The following TERT variants were observed in gnomAD, a reference collection of about 807,000 sequenced individuals.
TERT encodes telomerase reverse transcriptase, also known as telomerase catalytic subunit.
Under a neutral mutation model 104.0 loss-of-function variants are expected in TERT, and 42 were observed. The ratio of observed to expected loss-of-function variants is 0.40; its 90% CI spans 0.32 to 0.52. The LOEUF (loss-of-function observed/expected upper bound fraction) is 0.52, where lower values mean the gene tolerates loss of function less well. Among genes scored for constraint, TERT ranks in the 20% least tolerant of loss-of-function variants. The pLI, the probability that TERT is intolerant of heterozygous loss-of-function variation, is 0.43. For missense variants in TERT, 1,101 were observed against 1,610.3 expected (o/e 0.68, Z 5.41); for synonymous variants, 781 against 725.6 (o/e 1.08, Z -1.23).
At chr5:1,259,402 C>A (rs1748022474) in intron 12 of TERT, among the ~76,000 whole-genome samples, 1 of 121,520 alleles carries the variant, frequency 8.2e-6, no homozygotes, top group Non-Finnish European at 1.7e-5. Context: ...GATGCGGACG[C>A]CCACAGGAGG....
At position 1,270,993 on chromosome 5, in the gene TERT, A is replaced by G. The variant is rs1164052748; in HGVS notation, c.2468+126T>C. 5.2e-6 allele frequency: 4 copies of G among 763,450 alleles called. No individual in the cohort carries two copies. The highest frequency in any genetic ancestry group is 1.7e-5 in the African/African-American group (1 of 57,792). The allele number at this position is 763,450 out of a possible 1,614,324, so 47.3% of individuals were successfully genotyped here. A position where few individuals can be genotyped will look rare whatever the true frequency, so the allele number is the denominator to read the frequency against. On this transcript the variant is annotated intron_variant, in intron 8 of 15. Transcript: ENST00000310581. This position sits in a 1 kb window ranked among gnomAD's most constrained non-coding sequence, Gnocchi z 8.3. ...CCAGGAGCCGGAGGGGGCGGGGGCC[A>G]GAAAAGGAGACTCTGGTGGCCCCGG...
intron 6 of TERT, among the ~76,000 whole-genome samples, chr5:1,275,217 T>C (rs1248558682): frequency 6.6e-6 from 1 of 151,490 alleles, no homozygotes; most frequent in Non-Finnish European, 1.5e-5. Flanking sequence ...TCTACTAAAA[T>C]TACAAAAATT....
Position 1,268,975 on chromosome 5 carries a change from CT to C in TERT, c.2469-343del, listed in dbSNP as rs143199675. On this transcript the variant is annotated intron_variant, in intron 8 of 15. Coordinates refer to ENST00000310581, the MANE Select transcript of TERT (RefSeq NM_198253.3). This position sits in a 1 kb window ranked among gnomAD's most constrained non-coding sequence, Gnocchi z 5.5. ...CCGGAATGAATGCTTAACCGGACTCCTTTTTTTTTTTTCAAGGAATTTGTCC... is the reference window on the plus strand; with the variant it reads ...CCGGAATGAATGCTTAACCGGACTCCTTTTTTTTTTTCAAGGAATTTGTCC... Among the ~76,000 whole-genome samples the C allele has an allele frequency of 8.2e-4, 120 of 146,066 alleles. No homozygotes were observed. Among genetic ancestry groups the C allele is most frequent in the Middle Eastern group, 3.6e-3 (1 of 278 alleles).
chr5:1,287,487 G>A lies in TERT; in HGVS notation c.1574-4863C>T, dbSNP rs1750563190. On this transcript the variant is annotated intron_variant, in intron 2 of 15. Transcript: ENST00000310581. This position sits in a 1 kb window ranked among gnomAD's most constrained non-coding sequence, Gnocchi z 4.3. ...GCACTCACCCTGGGCGACAGACCAA[G>A]ACTCTGTCTCAAAAAAAAAAAATAT... Among the ~76,000 whole-genome samples the A allele has an allele frequency of 9.4e-6, 1 of 106,588 alleles. No homozygotes were observed. Among genetic ancestry groups the A allele is most frequent in the African/African-American group, 3.8e-5 (1 of 26,312 alleles). The allele number at this position is 106,588 out of a possible 152,430, so 69.9% of individuals were successfully genotyped here. A position where few individuals can be genotyped will look rare whatever the true frequency, so the allele number is the denominator to read the frequency against.
chr5:1,253,494 G>A lies in TERT; in HGVS notation c.*234C>T, dbSNP rs1747477105. ...GAGCCGAGCGCCAGCCTGTGGGGAA[G>A]TGAAGACGGCAGGTGTGCTGGACAC... On this transcript the variant is annotated 3_prime_UTR_variant, in exon 16 of 16. Coordinates refer to ENST00000310581, the MANE Select transcript of TERT (RefSeq NM_198253.3). The A allele has an allele frequency of 1.7e-6, 1 of 593,388 alleles. No individual in the cohort carries two copies. The highest frequency in any genetic ancestry group is 3.0e-5 in the Admixed American group (1 of 33,798). The allele number at this position is 593,388 out of a possible 1,614,324, so 36.8% of individuals were successfully genotyped here.
rs367931082 is a variant in TERT at position 1,255,945 on chromosome 5, G to A, written c.3033-534C>T. Among the ~76,000 whole-genome samples, 8 of 151,982 alleles carry A rather than the reference G, an allele frequency of 5.3e-5. No homozygotes were observed. The highest frequency in any genetic ancestry group is 1.9e-4 in the African/African-American group (8 of 41,362). ...CTCATCTCACTGACACCGAGACACCGACTTGGCTTCTGTGTGTAGGTTAAG... is the reference window on the plus strand; with the variant it reads ...CTCATCTCACTGACACCGAGACACCAACTTGGCTTCTGTGTGTAGGTTAAG... On this transcript the variant is annotated intron_variant, in intron 13 of 15. Transcript: ENST00000310581. This position sits in a 1 kb window ranked among gnomAD's most constrained non-coding sequence, Gnocchi z 6.9.
At chr5:1,280,017 C>A (rs141797669) in intron 4 of TERT, 141 bp downstream of exon 4, 24 of 1,137,244 alleles carry the variant, frequency 2.1e-5, no homozygotes, top group Non-Finnish European at 2.9e-5. Context: ...CCTCACTGTG[C>A]GCACAAATGG....
intron 6 of TERT, among the ~76,000 whole-genome samples, chr5:1,277,306 C>T (rs1026842974): frequency 3.3e-5 from 5 of 152,232 alleles, no homozygotes; most frequent in African/African-American, 1.2e-4. Context: ...GAGGCGAGGG[C>T]CTCTGACCCC....
Position 1,264,511 on chromosome 5 carries a change from C to T in TERT, c.2736G>A (p.Glu912=), listed in dbSNP as rs775289969. The stretch of plus-strand genomic sequence containing the variant: ...GAACAAAAGCCGTGCCACCCAGGGC[C>T]TCGTCTTCTACAGGGAAGTTCACCA... ...KTVVNFPVED[E]ALGGTAFVQM... Residue 912 remains glutamate (E), a synonymous_variant, in exon 11 of 16, where the codon GAG becomes GAA. Transcript: ENST00000310581. 4 of 1,613,996 alleles carry T rather than the reference C, an allele frequency of 2.5e-6. No homozygotes were observed. Among genetic ancestry groups the T allele is most frequent in the Non-Finnish European group, 3.4e-6 (4 of 1,180,030 alleles).
At chr5:1,289,983 G>A (rs375470205) in intron 2 of TERT, among the ~76,000 whole-genome samples, 64 of 21,252 alleles carry the variant, frequency 3.0e-3, no homozygotes, top group South Asian at 6.4e-3. Context: ...CACTCACCCT[G>A]CACGTGACAG....
chr5:1,280,493 G>T (rs530612448), intron 3 of TERT, among the ~76,000 whole-genome samples, 155 bp from the exon 4 acceptor site: 1 of 152,214 alleles, frequency 6.6e-6, no homozygotes, highest in Admixed American at 6.5e-5. Context: ...GTCCACCCAT[G>T]CCAGCCAGAC....
At position 1,260,721 on chromosome 5, in the gene TERT, C is replaced by T. The variant is rs1490875320; in HGVS notation, c.2844-121G>A. 25 of 1,400,368 alleles carry T rather than the reference C, an allele frequency of 1.8e-5. No individual in the cohort carries two copies. In the Admixed American group the frequency reaches 1.9e-4, roughly 11 times the overall value. The allele number at this position is 1,400,368 out of a possible 1,614,324, so 86.7% of individuals were successfully genotyped here. Reference sequence around the variant, plus strand: ...GCTTCCTTGTCCTGCCTGGGGCATGCGCTGCAGCCCGAGGGGGCTGGGTGC... The same window carrying T: ...GCTTCCTTGTCCTGCCTGGGGCATGTGCTGCAGCCCGAGGGGGCTGGGTGC... On this transcript the variant is annotated intron_variant, in intron 11 of 15. Coordinates refer to ENST00000310581, the MANE Select transcript of TERT (RefSeq NM_198253.3).
rs1382949806 is a variant in TERT at position 1,255,776 on chromosome 5, C to G, written c.3033-365G>C. Reference sequence around the variant, plus strand: ...AGTTTATCCATTGTTCCTTGTGTACCAGCAGGTACTTATCATGAATCCTGC... The same window carrying G: ...AGTTTATCCATTGTTCCTTGTGTACGAGCAGGTACTTATCATGAATCCTGC... On this transcript the variant is annotated intron_variant, in intron 13 of 15. Transcript: ENST00000310581. This position sits in a 1 kb window ranked among gnomAD's most constrained non-coding sequence, Gnocchi z 6.9. Among the ~76,000 whole-genome samples, 1 of 152,030 alleles carries G rather than the reference C, an allele frequency of 6.6e-6. No homozygotes were observed. The highest frequency in any genetic ancestry group is 6.6e-5 in the Admixed American group (1 of 15,264).
In TERT at chr5:1,286,354, A is replaced by G. The variant is rs111668843; in HGVS notation, c.1574-3730T>C. On this transcript the variant is annotated intron_variant, in intron 2 of 15. Coordinates refer to ENST00000310581, the MANE Select transcript of TERT (RefSeq NM_198253.3). The surrounding 1 kb of genome is among the most constrained non-coding windows in gnomAD (Gnocchi z 5.3). ...CCCCAGACGGCGGGCCTGAGACAGA[A>G]GACAGACGGGGAACAAAGGAGGAAA... Among the ~76,000 whole-genome samples the G allele has an allele frequency of 1.5e-3, 226 of 152,332 alleles. No individual in the cohort carries two copies. Among genetic ancestry groups the G allele is most frequent in the Non-Finnish European group, 1.4e-3 (98 of 68,026 alleles).
intron 7 of TERT, among the ~76,000 whole-genome samples, chr5:1,271,730 G>C (rs1388839965): frequency 6.6e-6 from 1 of 152,216 alleles, no homozygotes. Flanking sequence ...GCACTGAGAG[G>C]CCCGCTCAGC....
At chr5:1,272,526 C>T (rs1297777785) in intron 6 of TERT, among the ~76,000 whole-genome samples, 2 of 134,976 alleles carry the variant, frequency 1.5e-5, no homozygotes, top group East Asian at 4.0e-4. Flanking sequence ...TGACCGATCA[C>T]CATCCACAGT....
chr5:1,260,890 C>T (rs1182595857), intron 11 of TERT, among the ~76,000 whole-genome samples: 1 of 152,248 alleles, frequency 6.6e-6, no homozygotes, highest in Non-Finnish European at 1.5e-5. Context: ...GAGATCTGCA[C>T]ATAACTCAGC....
chr5:1,271,174 G>T lies in TERT; in HGVS notation c.2413C>A (p.Leu805Ile). The T allele has an allele frequency of 6.2e-7, 1 of 1,613,208 alleles. No individual in the cohort carries two copies. Among genetic ancestry groups the T allele is most frequent in the Non-Finnish European group, 8.5e-7 (1 of 1,180,008 alleles). ...ATGAAGCGTAGGAAGACGTCGAAGA[G>T]GCCACTGCTGGCCTCATTCAGGGAG... ...SSSLNEASSG[L>I]FDVFLRFMCH... is the part of the protein sequence containing the mutation. Residue 805 changes from leucine (L) to isoleucine (I), a missense_variant, in exon 8 of 16, where the codon CTC becomes ATC. This residue lies in a region of TERT where 463 missense variants were observed against 797.5 expected (regional missense o/e 0.58). Coordinates refer to ENST00000310581, the MANE Select transcript of TERT (RefSeq NM_198253.3).
chr5:1,253,629 G>A lies in TERT; in HGVS notation c.*99C>T, dbSNP rs2853690. ...TCAGGCCTCAGACTCCCAGCGGTGCGGGCCTGGGTGTGGGCCGCCCCTCCC... is the reference window on the plus strand; with the variant it reads ...TCAGGCCTCAGACTCCCAGCGGTGCAGGCCTGGGTGTGGGCCGCCCCTCCC... On this transcript the variant is annotated 3_prime_UTR_variant, in exon 16 of 16. Transcript: ENST00000310581. 166,815 of 998,776 alleles carry A rather than the reference G, an allele frequency of 0.17. 16,193 individuals carry two copies. The highest frequency in any genetic ancestry group is 0.31 in the African/African-American group (19,428 of 63,376). 61.9% of individuals were successfully genotyped at this position (998,776 alleles called of 1,614,324 possible).
Sources: gnomAD v4.1 joint callset for allele counts (sites outside exome capture counted in the v4.1 genomes callset) on GRCh38, gnomAD v4.1.1 for gene constraint, gnomAD v4.1.1 regional missense constraint, Gnocchi (gnomAD v3.1) non-coding constraint, MANE v1.5 for transcripts, NCBI Gene and HGNC (gene_info 2026-07-23, HGNC 2026-07-21) for gene names.